Variants in TPD52 observed in about 807,000 individuals in gnomAD.
The protein encoded by TPD52 is tumor protein D52, also known as prostate and colon associated protein.
In TPD52, 17 loss-of-function variants were observed where a neutral mutation model predicts 31.3. The observed-to-expected ratio is 0.54, with a 90% confidence interval of 0.37 to 0.82. The LOEUF is 0.82. Among genes scored for constraint, TPD52 ranks in the 40% least tolerant of loss-of-function variants. The probability of loss-of-function intolerance (pLI) is 0.00; values close to 1 mark genes in which losing one functional copy is unlikely to be tolerated. For synonymous variants in TPD52, 83 were observed against 89.6 expected, an observed-to-expected ratio of 0.93 and a Z score of 0.42; for missense variants, 212 against 240.1, an observed-to-expected ratio of 0.88 and a Z score of 0.77.
At chr8:80,129,963 G>C (rs1471616168) in intron 1 of TPD52, among the ~76,000 whole-genome samples, 1 of 152,204 alleles carries the variant, frequency 6.6e-6, no homozygotes, top group African/African-American at 2.4e-5. Flanking sequence ...CTCCCAAAGT[G>C]CTGGGATTAC....
chr8:80,090,342 G>A (rs1816162178), intron 1 of TPD52, among the ~76,000 whole-genome samples: 1 of 152,204 alleles, frequency 6.6e-6, no homozygotes, highest in Non-Finnish European at 1.5e-5. Context: ...CAAGGCTAGA[G>A]TGAGCTACGA....
intron 1 of TPD52, among the ~76,000 whole-genome samples, chr8:80,150,119 C>T (rs1810468876): frequency 6.6e-6 from 1 of 152,198 alleles, no homozygotes; most frequent in Admixed American, 6.5e-5. Context: ...ACTTGGTGTC[C>T]TGTGTCCCAG....
chr8:80,155,370 A>G (rs1228313594), intron 1 of TPD52, among the ~76,000 whole-genome samples: 1 of 152,164 alleles, frequency 6.6e-6, no homozygotes, highest in Non-Finnish European at 1.5e-5. Flanking sequence ...TACGAAGAAG[A>G]TTCAGCAAGT....
intron 7 of TPD52, chr8:80,042,053 C>T: frequency 4.5e-6 from 2 of 440,240 alleles, no homozygotes; most frequent in Non-Finnish European, 6.0e-6. Flanking sequence ...CACGCCACTG[C>T]ACTCCAGCCT....
Position 80,163,820 on chromosome 8 carries a change from C to T in TPD52, c.19+7605G>A, listed in dbSNP as rs1434505643. ...TCCAGGAGAGAAAGAGTTAAATAAACATTTGAATAGTGGAAGAGTGCAATT... is the reference window on the plus strand; with the variant it reads ...TCCAGGAGAGAAAGAGTTAAATAAATATTTGAATAGTGGAAGAGTGCAATT... On this transcript the variant is annotated intron_variant, in intron 1 of 7. Transcript: ENST00000518937. 2.0e-5 allele frequency among the ~76,000 whole-genome samples: 3 copies of T among 152,058 alleles called. No individual in the cohort carries two copies. In the East Asian group the frequency reaches 5.8e-4, roughly 29 times the overall value.
At chr8:80,124,855 T>A (rs1410494839) in intron 1 of TPD52, among the ~76,000 whole-genome samples, 7 of 152,162 alleles carry the variant, frequency 4.6e-5, no homozygotes, top group African/African-American at 1.7e-4. Flanking sequence ...TATTTTAGGT[T>A]CTCAGCAAAA....
intron 1 of TPD52, among the ~76,000 whole-genome samples, chr8:80,142,120 T>C (rs1433330353): frequency 6.6e-6 from 1 of 152,196 alleles, no homozygotes; most frequent in African/African-American, 2.4e-5. Flanking sequence ...CCAGCATCAC[T>C]TCTTTCTCTT....
intron 1 of TPD52, among the ~76,000 whole-genome samples, chr8:80,109,218 C>T (rs747603422): frequency 5.3e-5 from 8 of 152,096 alleles, no homozygotes; most frequent in Admixed American, 6.6e-5. Context: ...CTAAAATTTG[C>T]CTTGGTTTGG....
At chr8:80,079,173 G>A (rs1450180529) in intron 1 of TPD52, among the ~76,000 whole-genome samples, 1 of 152,164 alleles carries the variant, frequency 6.6e-6, no homozygotes, top group African/African-American at 2.4e-5. Context: ...TGGGCAAAGG[G>A]GGAGCCCAGG....
chr8:80,088,844 C>T (rs1816031054), intron 1 of TPD52, among the ~76,000 whole-genome samples: 1 of 152,128 alleles, frequency 6.6e-6, no homozygotes, highest in African/African-American at 2.4e-5. Context: ...AGAAAAAAGG[C>T]CAGGGAGGAC....
At chr8:80,164,058 G>GACAGACAA (rs1811552656) in intron 1 of TPD52, among the ~76,000 whole-genome samples, 1 of 140,974 alleles carries the variant, frequency 7.1e-6, no homozygotes, top group African/African-American at 2.7e-5. Context: ...GAGAGAGACA[G>GACAGACAA]ACAGACAGAA....
chr8:80,080,637 C>G, intron 1 of TPD52: 1 of 1,342,872 alleles, frequency 7.4e-7, no homozygotes, highest in Non-Finnish European at 9.5e-7. Flanking sequence ...CACGCCCCTC[C>G]TGATAAGCAG....
At chr8:80,047,590 G>C (rs1810994409) in intron 5 of TPD52, among the ~76,000 whole-genome samples, 1 of 152,172 alleles carries the variant, frequency 6.6e-6, no homozygotes, top group Non-Finnish European at 1.5e-5. Flanking sequence ...TTGAGTGAAA[G>C]AATGAATGAA....
At chr8:80,046,439 G>C (rs894225022) in intron 5 of TPD52, among the ~76,000 whole-genome samples, 1 of 152,148 alleles carries the variant, frequency 6.6e-6, no homozygotes, top group Non-Finnish European at 1.5e-5. Context: ...TTGGTAACTA[G>C]TTGTAATCTA....
chr8:80,106,030 T>C (rs886291808), intron 1 of TPD52, among the ~76,000 whole-genome samples: 2 of 152,170 alleles, frequency 1.3e-5, no homozygotes, highest in African/African-American at 4.8e-5. Context: ...TATTCATGAA[T>C]GGGTTTTGCT....
chr8:80,135,140 A>G lies in TPD52; in HGVS notation c.19+36285T>C, dbSNP rs563810720. On this transcript the variant is annotated intron_variant, in intron 1 of 7. Coordinates refer to ENST00000518937, the MANE Select transcript of TPD52 (RefSeq NM_001025253.3). ...TAGATATCCCTTCAGGTTACTTCCA[A>G]CCACAAGACCCAGTGAATTTAATTG... Among the ~76,000 whole-genome samples the G allele has an allele frequency of 6.3e-4, 96 of 152,340 alleles. 1 individual carries two copies. Among genetic ancestry groups the G allele is most frequent in the Non-Finnish European group, 1.2e-3 (83 of 68,024 alleles).
chr8:80,164,128 A>AT (rs1298775751), intron 1 of TPD52, among the ~76,000 whole-genome samples: 1 of 151,776 alleles, frequency 6.6e-6, no homozygotes, highest in Non-Finnish European at 1.5e-5. Flanking sequence ...TTTTTGTTGA[A>AT]TTTTCACCTA....
intron 4 of TPD52, among the ~76,000 whole-genome samples, chr8:80,050,917 T>G (rs1811310627): frequency 6.7e-6 from 1 of 149,722 alleles, no homozygotes; most frequent in African/African-American, 2.5e-5. Context: ...ACTATCCTAA[T>G]CCACATGAGT....
At position 80,036,908 on chromosome 8, in the gene TPD52, G is replaced by T. The variant is rs1253614940; in HGVS notation, c.*1208C>A. The T allele has an allele frequency of 1.3e-5, 2 of 152,258 alleles. No homozygotes were observed. Among genetic ancestry groups the T allele is most frequent in the African/African-American group, 4.8e-5 (2 of 41,434 alleles). 9.4% of individuals were successfully genotyped at this position (152,258 alleles called of 1,614,324 possible). A position where few individuals can be genotyped will look rare whatever the true frequency, so the allele number is the denominator to read the frequency against. ...TAATCATATACAGTATAAGGAAAAGGTGGTAGTGTTGAGTAAGCAGTTATT... is the reference window on the plus strand; with the variant it reads ...TAATCATATACAGTATAAGGAAAAGTTGGTAGTGTTGAGTAAGCAGTTATT... On this transcript the variant is annotated 3_prime_UTR_variant, in exon 8 of 8. Coordinates refer to ENST00000518937, the MANE Select transcript of TPD52 (RefSeq NM_001025253.3).
Sources: allele counts gnomAD v4.1 joint callset (sites outside exome capture counted in the v4.1 genomes callset), GRCh38; gene constraint gnomAD v4.1.1; transcripts MANE v1.5; gene names NCBI Gene and HGNC (gene_info 2026-07-23, HGNC 2026-07-21).